Variants in PCDHGA7 observed in about 807,000 individuals in gnomAD.
The protein encoded by PCDHGA7 is protocadherin gamma-A7.
In PCDHGA7, 44 loss-of-function variants were observed where a neutral mutation model predicts 58.3. That is an observed-to-expected ratio of 0.75 (90% CI 0.59 to 0.97). The LOEUF (loss-of-function observed/expected upper bound fraction) is 0.97. PCDHGA7 is among the 50% of genes least tolerant of loss of function. The probability of loss-of-function intolerance (pLI) is 0.00; values close to 1 mark genes in which losing one functional copy is unlikely to be tolerated. For missense variants in PCDHGA7, 1,266 were observed against 1,188.7 expected, an observed-to-expected ratio of 1.06 and a Z score of -0.96; for synonymous variants, 516 against 504.2, an observed-to-expected ratio of 1.02 and a Z score of -0.31.
intron 2 of PCDHGA7, among the ~76,000 whole-genome samples, chr5:141,502,866 C>CTTTTT (rs549047197): frequency 1.6e-5 from 2 of 128,044 alleles, no homozygotes; most frequent in Non-Finnish European, 1.6e-5. Flanking sequence ...GACTCTCTGT[C>CTTTTT]TTTTTTTTTT....
At chr5:141,444,659 C>G (rs2098443878) in intron 1 of PCDHGA7, among the ~76,000 whole-genome samples, 1 of 152,032 alleles carries the variant, frequency 6.6e-6, no homozygotes, top group African/African-American at 2.4e-5. Context: ...GAAGTTATTT[C>G]CCATTTTTTT....
Position 141,490,142 on chromosome 5 carries a change from C to A in PCDHGA7, c.2425-4665C>A. On this transcript the variant is annotated intron_variant, in intron 1 of 3. Coordinates refer to ENST00000518325, the MANE Select transcript of PCDHGA7 (RefSeq NM_018920.4). This position sits in a 1 kb window ranked among gnomAD's most constrained non-coding sequence, Gnocchi z 5.4. The stretch of plus-strand genomic sequence containing the variant: ...TTTGGCCTAGACCCTAGCAGTGGGG[C>A]AATCCATGTGTTGGGTCCCATAGAC... The A allele has an allele frequency of 1.9e-6, 3 of 1,614,220 alleles. No individual in the cohort carries two copies. The highest frequency in any genetic ancestry group is 2.7e-5 in the African/African-American group (2 of 75,060).
chr5:141,432,665 G>A lies in PCDHGA7; in HGVS notation c.2424+47342G>A. 1 of 1,613,896 alleles carries A rather than the reference G, an allele frequency of 6.2e-7. No individual in the cohort carries two copies. Among genetic ancestry groups the A allele is most frequent in the Non-Finnish European group, 8.5e-7 (1 of 1,179,956 alleles). On this transcript the variant is annotated intron_variant, in intron 1 of 3. Coordinates refer to ENST00000518325, the MANE Select transcript of PCDHGA7 (RefSeq NM_018920.4). The surrounding 1 kb of genome is among the most constrained non-coding windows in gnomAD (Gnocchi z 6.0). ...CACGGCGCGAGCCCTGCTGGACAGA[G>A]ACGCGCTCAAGCAGAGCCTCGTAGT... is the stretch of plus-strand genomic sequence containing the variant.
rs34152666 is a variant in PCDHGA7 at position 141,428,860 on chromosome 5, C to CT, written c.2424+43550dup. 6.7e-4 allele frequency: 98 copies of CT among 145,544 alleles called. 1 individual carries two copies. The highest frequency in any genetic ancestry group is 1.4e-3 in the East Asian group (7 of 4,990). 9.0% of individuals were successfully genotyped at this position (145,544 alleles called of 1,614,324 possible). On this transcript the variant is annotated intron_variant, in intron 1 of 3. Transcript: ENST00000518325. ...ACATTTTCACCATTTTTACGGGAGA[C>CT]TTTTTTTTTTTTTGGACGGAGTCTC...
At position 141,476,318 on chromosome 5, in the gene PCDHGA7, G is replaced by A. The variant is rs767809530; in HGVS notation, c.2425-18489G>A. ...TAGCCTCTCAGCCCGCAGGTTCCGG[G>A]TGGTGTCTGGAGCTAGCCGAAGATT... is the stretch of plus-strand genomic sequence containing the variant. On this transcript the variant is annotated intron_variant, in intron 1 of 3. Coordinates refer to ENST00000518325, the MANE Select transcript of PCDHGA7 (RefSeq NM_018920.4). This position sits in a 1 kb window ranked among gnomAD's most constrained non-coding sequence, Gnocchi z 7.6. The A allele has an allele frequency of 6.2e-6, 10 of 1,614,084 alleles. No homozygotes were observed. Among genetic ancestry groups the A allele is most frequent in the Non-Finnish European group, 7.6e-6 (9 of 1,180,060 alleles).
chr5:141,399,576 C>G, intron 1 of PCDHGA7: 1 of 1,614,028 alleles, frequency 6.2e-7, no homozygotes, highest in South Asian at 1.1e-5. Flanking sequence ...ACGGCCAAGT[C>G]TCCTACTCTA....
At chr5:141,503,230 G>A (rs911238781) in intron 2 of PCDHGA7, among the ~76,000 whole-genome samples, 1 of 152,006 alleles carries the variant, frequency 6.6e-6, no homozygotes, top group African/African-American at 2.4e-5. Context: ...CCGTAAAGAT[G>A]GACAGTTTCT....
At chr5:141,386,790 C>T (rs546308515) in intron 1 of PCDHGA7, among the ~76,000 whole-genome samples, 2 of 152,232 alleles carry the variant, frequency 1.3e-5, no homozygotes, top group South Asian at 4.2e-4. Flanking sequence ...AATCTCCTGA[C>T]CAAAATTTAT....
intron 1 of PCDHGA7, chr5:141,421,219 G>T (rs894586889): frequency 1.0e-5 from 16 of 1,573,208 alleles, no homozygotes; most frequent in Non-Finnish European, 1.3e-5. Context: ...TATCGGCTTA[G>T]AGCCTGCCAT....
intron 1 of PCDHGA7, among the ~76,000 whole-genome samples, chr5:141,460,173 A>C (rs2098983888): frequency 6.6e-6 from 1 of 152,004 alleles, no homozygotes; most frequent in Admixed American, 6.6e-5. Flanking sequence ...TATTTTGTGG[A>C]TATTTTATCC....
intron 1 of PCDHGA7, chr5:141,416,489 G>A (rs2096031582): frequency 1.3e-5 from 2 of 152,158 alleles, no homozygotes; most frequent in Admixed American, 1.3e-4. Context: ...GAGAACAGGA[G>A]CAAGAGATAT....
At chr5:141,402,884 T>G in intron 1 of PCDHGA7, 1 of 1,481,582 alleles carries the variant, frequency 6.7e-7, no homozygotes, top group Non-Finnish European at 9.0e-7. Flanking sequence ...CTTTGCAGGG[T>G]GGAAGAAAGA....
chr5:141,392,794 G>A (rs1002894691), intron 1 of PCDHGA7: 2 of 1,563,344 alleles, frequency 1.3e-6, no homozygotes, highest in African/African-American at 1.4e-5. Flanking sequence ...ATTCTGAGAG[G>A]ATTCTGCAGC....
At chr5:141,405,488 C>T (rs781076927) in intron 1 of PCDHGA7, 5 of 895,936 alleles carry the variant, frequency 5.6e-6, no homozygotes, top group Middle Eastern at 2.9e-4. Context: ...GGTGTGATCT[C>T]GGCTCATTGC....
intron 1 of PCDHGA7, among the ~76,000 whole-genome samples, chr5:141,450,313 T>G (rs2098676929): frequency 6.6e-6 from 1 of 152,172 alleles, no homozygotes; most frequent in Middle Eastern, 3.4e-3. Context: ...ATGTGTGGCC[T>G]AGTTGCCATG....
In PCDHGA7 at chr5:141,431,279, C is replaced by G. The variant is rs1163372308; in HGVS notation, c.2424+45956C>G. Reference sequence around the variant, plus strand: ...CTCTCTGCAGAGCTACGAGCTCAGCCCGAACACTCACTTCTCCCTCATCGT... The same window carrying G: ...CTCTCTGCAGAGCTACGAGCTCAGCGCGAACACTCACTTCTCCCTCATCGT... On this transcript the variant is annotated intron_variant, in intron 1 of 3. Coordinates refer to ENST00000518325, the MANE Select transcript of PCDHGA7 (RefSeq NM_018920.4). This position sits in a 1 kb window ranked among gnomAD's most constrained non-coding sequence, Gnocchi z 4.8. 1 of 1,614,028 alleles carries G rather than the reference C, an allele frequency of 6.2e-7. No individual in the cohort carries two copies. Among genetic ancestry groups the G allele is most frequent in the African/African-American group, 1.3e-5 (1 of 74,926 alleles).
At chr5:141,446,595 GCCTCC>G (rs2098508132) in intron 1 of PCDHGA7, among the ~76,000 whole-genome samples, 2 of 152,012 alleles carry the variant, frequency 1.3e-5, no homozygotes, top group South Asian at 4.1e-4. Context: ...TTCTGCCTCA[GCCTCC>G]TGAGTAGCTG....
chr5:141,419,735 G>T (rs1013306543), intron 1 of PCDHGA7: 1 of 1,613,806 alleles, frequency 6.2e-7, no homozygotes, highest in Non-Finnish European at 8.5e-7. Context: ...AACAGGCGAG[G>T]TGCGCATGGT....
intron 1 of PCDHGA7, among the ~76,000 whole-genome samples, chr5:141,484,796 C>A (rs987893041): frequency 1.3e-5 from 2 of 151,304 alleles, no homozygotes; most frequent in African/African-American, 4.9e-5. Flanking sequence ...GATAACAACC[C>A]GTGGAAAAAC....
Sources: gnomAD v4.1 joint callset for allele counts (sites outside exome capture counted in the v4.1 genomes callset) on GRCh38, gnomAD v4.1.1 for gene constraint, Gnocchi (gnomAD v3.1) non-coding constraint, MANE v1.5 for transcripts, NCBI Gene and HGNC (gene_info 2026-07-23, HGNC 2026-07-21) for gene names.